The following TADA2A variants were observed in gnomAD, a reference collection of about 807,000 sequenced individuals.
TADA2A encodes the protein transcriptional adapter 2-alpha.
A neutral mutation model predicts 67.4 loss-of-function variants in TADA2A; 38 were observed. That is an observed-to-expected ratio of 0.56 (90% CI 0.44 to 0.74). The LOEUF (loss-of-function observed/expected upper bound fraction) is 0.74. TADA2A is among the 30% of genes least tolerant of loss of function. The pLI is 0.00. For synonymous variants in TADA2A, 192 were observed against 181.6 expected, an observed-to-expected ratio of 1.06 and a Z score of -0.46; for missense variants, 454 against 547.0, an observed-to-expected ratio of 0.83 and a Z score of 1.70.
intron 12 of TADA2A, among the ~76,000 whole-genome samples, chr17:37,469,303 T>C (rs947684985): frequency 1.3e-5 from 2 of 152,006 alleles, no homozygotes; most frequent in Non-Finnish European, 2.9e-5. Context: ...GAAACCATTT[T>C]TGAAATTAAA....
chr17:37,466,491 C>G (rs561975214), intron 11 of TADA2A, among the ~76,000 whole-genome samples: 18 of 152,266 alleles, frequency 1.2e-4, no homozygotes, highest in South Asian at 2.1e-4. Context: ...TTGTTCTGTA[C>G]CTTTCATCAT....
chr17:37,456,317 A>G (rs1005241478), intron 8 of TADA2A, among the ~76,000 whole-genome samples: 1 of 152,218 alleles, frequency 6.6e-6, no homozygotes, highest in South Asian at 2.1e-4. Flanking sequence ...AAGCAAGGGA[A>G]TTACACCATT....
intron 9 of TADA2A, among the ~76,000 whole-genome samples, chr17:37,459,832 G>A (rs1156819768): frequency 9.2e-5 from 14 of 151,606 alleles, no homozygotes; most frequent in African/African-American, 2.4e-4. Context: ...TTGGGAGGCC[G>A]AGGCTGGTGG....
At chr17:37,420,486 G>A (rs1371817849) in intron 2 of TADA2A, among the ~76,000 whole-genome samples, 1 of 141,648 alleles carries the variant, frequency 7.1e-6, no homozygotes, top group African/African-American at 2.6e-5. Context: ...TCTGCCTCCC[G>A]GGTTCAAACA....
Position 37,411,373 on chromosome 17 carries a change from G to T in TADA2A, c.8G>T (p.Arg3Leu), listed in dbSNP as rs374991405. The T allele has an allele frequency of 1.2e-6, 2 of 1,613,834 alleles. No individual in the cohort carries two copies. The highest frequency in any genetic ancestry group is 2.7e-5 in the African/African-American group (2 of 74,998). The part of the protein sequence containing the change: MD[R>L]LGSFSNDPSD... ...CTCGTTGCCAATTAGGGAATGGACC[G>T]TTTGGGTTCCTTTAGCAGTAAGTAC... Residue 3 changes from arginine (R) to leucine (L), a missense_variant, in exon 2 of 16, where the codon CGT (arginine) becomes CTT (leucine). By Grantham distance (102) the Arg-to-Leu change is moderately radical. This residue lies in a region of TADA2A where 403 missense variants were observed against 455.5 expected (regional missense o/e 0.88). Coordinates refer to ENST00000615182, the MANE Select transcript of TADA2A (RefSeq NM_001166105.3).
intron 8 of TADA2A, among the ~76,000 whole-genome samples, chr17:37,458,037 G>A (rs1479525437): frequency 3.9e-5 from 6 of 152,110 alleles, no homozygotes; most frequent in African/African-American, 1.2e-4. Context: ...TATTAAGCCT[G>A]GTACCCATTA....
intron 4 of TADA2A, among the ~76,000 whole-genome samples, chr17:37,434,356 G>A (rs2052659368): frequency 6.6e-6 from 1 of 152,206 alleles, no homozygotes; most frequent in Non-Finnish European, 1.5e-5. Flanking sequence ...AGATGCATGA[G>A]GCAGGGTGTA....
chr17:37,459,582 C>CTT (rs80266428), intron 9 of TADA2A, among the ~76,000 whole-genome samples: 10 of 133,374 alleles, frequency 7.5e-5, no homozygotes, highest in African/African-American at 2.1e-4. Flanking sequence ...CGTGTTCAAC[C>CTT]TTTTTTTTTT....
chr17:37,456,876 T>G (rs777108395), intron 8 of TADA2A, among the ~76,000 whole-genome samples: 4 of 152,050 alleles, frequency 2.6e-5, no homozygotes, highest in Non-Finnish European at 5.9e-5. Context: ...ACCAGAACTA[T>G]TACACTGATA....
intron 14 of TADA2A, among the ~76,000 whole-genome samples, chr17:37,471,363 A>G (rs1376255797): frequency 1.3e-5 from 2 of 152,198 alleles, no homozygotes; most frequent in African/African-American, 4.8e-5. Flanking sequence ...GTATAGAGAC[A>G]GGGGAAAAAA....
chr17:37,414,171 G>A (rs1046017066), intron 2 of TADA2A, among the ~76,000 whole-genome samples: 3 of 152,144 alleles, frequency 2.0e-5, no homozygotes, highest in South Asian at 4.2e-4. Context: ...TGGTATATAT[G>A]TACCGCATTT....
intron 6 of TADA2A, 125 bp downstream of exon 6, chr17:37,440,787 T>TA (rs1242882285): frequency 8.3e-7 from 1 of 1,210,616 alleles, no homozygotes; most frequent in African/African-American, 1.5e-5. Context: ...GAGGAGTTAG[T>TA]ATGGCAGCTA....
At chr17:37,466,444 G>A (rs772172262) in intron 11 of TADA2A, among the ~76,000 whole-genome samples, 4 of 152,158 alleles carry the variant, frequency 2.6e-5, no homozygotes, top group Non-Finnish European at 5.9e-5. Flanking sequence ...TGGTATGGCA[G>A]TAAGGCCTAG....
chr17:37,410,229 A>G (rs1434573912), intron 1 of TADA2A, among the ~76,000 whole-genome samples: 8 of 152,000 alleles, frequency 5.3e-5, no homozygotes, highest in African/African-American at 2.4e-5. Context: ...CTGTCCTCCA[A>G]GCTGGAGTGC....
chr17:37,451,196 T>G (rs1410974169), intron 8 of TADA2A, among the ~76,000 whole-genome samples: 2 of 152,074 alleles, frequency 1.3e-5, no homozygotes, highest in Admixed American at 1.3e-4. Context: ...CTTGGCTAAT[T>G]TATAAAAAAA....
chr17:37,472,544 T>C (rs2053811950), intron 14 of TADA2A, among the ~76,000 whole-genome samples: 1 of 152,062 alleles, frequency 6.6e-6, no homozygotes, highest in Non-Finnish European at 1.5e-5. Context: ...TACAACTAAG[T>C]TAATACTGGC....
chr17:37,469,214 G>A (rs571485511), intron 12 of TADA2A, among the ~76,000 whole-genome samples: 1 of 151,970 alleles, frequency 6.6e-6, no homozygotes, highest in Non-Finnish European at 1.5e-5. Flanking sequence ...GCAATAGTTG[G>A]CTTCTTAACA....
chr17:37,416,221 C>T (rs1378669308), intron 2 of TADA2A, among the ~76,000 whole-genome samples: 4 of 151,112 alleles, frequency 2.6e-5, no homozygotes, highest in African/African-American at 9.7e-5. Context: ...CGGGTTCAAG[C>T]GATTCTCCTG....
chr17:37,412,603 G>C lies in TADA2A; in HGVS notation c.25+1213G>C, dbSNP rs368469596. The stretch of plus-strand genomic sequence containing the variant: ...GTTTGAGACCAGCCTGGCCAACAAG[G>C]CAAAACCCCGTCTCTACTAAAAATA... On this transcript the variant is annotated intron_variant, in intron 2 of 15. Coordinates refer to ENST00000615182, the MANE Select transcript of TADA2A (RefSeq NM_001166105.3). Among the ~76,000 whole-genome samples the C allele has an allele frequency of 2.0e-5, 3 of 152,148 alleles. No homozygotes were observed. The East Asian group carries it at 5.8e-4, about 30-fold the overall frequency.
Sources: gnomAD v4.1 joint callset for allele counts (sites outside exome capture counted in the v4.1 genomes callset) on GRCh38, gnomAD v4.1.1 for gene constraint, gnomAD v4.1.1 regional missense constraint, MANE v1.5 for transcripts, NCBI Gene and HGNC (gene_info 2026-07-23, HGNC 2026-07-21) for gene names.